Variants in CHRM3 observed in about 807,000 individuals in gnomAD.
CHRM3 encodes the protein muscarinic acetylcholine receptor M3.
In CHRM3, 11 loss-of-function variants were observed where a neutral mutation model predicts 41.8. The ratio of observed to expected loss-of-function variants is 0.26; its 90% confidence interval spans 0.17 to 0.44. The LOEUF (loss-of-function observed/expected upper bound fraction) is 0.44. CHRM3 is among the 20% of genes least tolerant of loss of function. The pLI is 1.00. For missense variants in CHRM3, 571 were observed against 745.4 expected (o/e 0.77, Z 2.72); for synonymous variants, 297 against 301.4 (o/e 0.99, Z 0.15).
intron 5 of CHRM3, among the ~76,000 whole-genome samples, chr1:239,807,671 C>T (rs961051440): frequency 2.0e-5 from 3 of 152,208 alleles, no homozygotes; most frequent in African/African-American, 7.2e-5. Flanking sequence ...TTCCTCACTT[C>T]ATCTTTGATC....
At chr1:239,684,282 T>C (rs940809277) in intron 5 of CHRM3, among the ~76,000 whole-genome samples, 17 of 152,260 alleles carry the variant, frequency 1.1e-4, no homozygotes, top group African/African-American at 4.1e-4. Context: ...ATGCAGACTT[T>C]CTGGCATGCA....
At chr1:239,467,903 C>T (rs547120578) in intron 1 of CHRM3, among the ~76,000 whole-genome samples, 1 of 132,778 alleles carries the variant, frequency 7.5e-6, no homozygotes, top group African/African-American at 3.4e-5. Flanking sequence ...TTCCCTACCC[C>T]CCCCCAACGT....
At chr1:239,653,422 C>T (rs1292446721) in intron 4 of CHRM3, among the ~76,000 whole-genome samples, 3 of 152,002 alleles carry the variant, frequency 2.0e-5, no homozygotes, top group East Asian at 1.9e-4. Flanking sequence ...GAGACGGAAA[C>T]GGAAGTACCA....
At chr1:239,677,641 C>T (rs902345142) in intron 4 of CHRM3, among the ~76,000 whole-genome samples, 2 of 152,168 alleles carry the variant, frequency 1.3e-5, no homozygotes, top group Non-Finnish European at 2.9e-5. Context: ...ACACAGTCAA[C>T]GTTTTGTACA....
At chr1:239,504,766 C>A (rs973529787) in intron 2 of CHRM3, among the ~76,000 whole-genome samples, 2 of 152,038 alleles carry the variant, frequency 1.3e-5, no homozygotes, top group Non-Finnish European at 2.9e-5. Context: ...TTTGTGGTGA[C>A]CTGGATGAGA....
At chr1:239,463,449 A>C (rs1665504165) in intron 1 of CHRM3, among the ~76,000 whole-genome samples, 1 of 152,010 alleles carries the variant, frequency 6.6e-6, no homozygotes, top group Non-Finnish European at 1.5e-5. Flanking sequence ...TCTGTGCTGG[A>C]CTCAAAGCCC....
chr1:239,740,992 C>T (rs1664799855), intron 5 of CHRM3, among the ~76,000 whole-genome samples: 1 of 151,876 alleles, frequency 6.6e-6, no homozygotes, highest in Admixed American at 6.6e-5. Context: ...GTATTTTTTC[C>T]TTATGTATTC....
chr1:239,515,071 T>A (rs1213037932), intron 2 of CHRM3, among the ~76,000 whole-genome samples: 6 of 152,004 alleles, frequency 3.9e-5, no homozygotes, highest in Non-Finnish European at 7.4e-5. Context: ...ATAAGTAGAG[T>A]GCTAAATTGT....
At position 239,387,645 on chromosome 1, in the gene CHRM3, C is replaced by A. The variant is rs2102892130; in HGVS notation, c.-521+418C>A. Among the ~76,000 whole-genome samples, 1 of 152,212 alleles carries A rather than the reference C, an allele frequency of 6.6e-6. No individual in the cohort carries two copies. The highest frequency in any genetic ancestry group is 1.5e-5 in the Non-Finnish European group (1 of 68,024). On this transcript the variant is annotated intron_variant, in intron 1 of 6. Coordinates refer to ENST00000676153, the MANE Select transcript of CHRM3 (RefSeq NM_001375978.1). The surrounding 1 kb of genome is among the most constrained non-coding windows in gnomAD (Gnocchi z 5.1). ...CCGAGCATGAGGAGCTACTGGGCTC[C>A]GGGTGTGTTTGTGAGCGCACTCGTG...
At chr1:239,485,369 C>T (rs982847446) in intron 1 of CHRM3, among the ~76,000 whole-genome samples, 7 of 152,190 alleles carry the variant, frequency 4.6e-5, no homozygotes, top group African/African-American at 1.4e-4. Context: ...GCAATCATGA[C>T]TCACTGCAGC....
At chr1:239,668,089 C>CTTTTTT (rs1221135009) in intron 4 of CHRM3, among the ~76,000 whole-genome samples, 31 of 75,598 alleles carry the variant, frequency 4.1e-4, no homozygotes, top group African/African-American at 5.3e-4. Flanking sequence ...TTTCCCCTTT[C>CTTTTTT]TTTTTTTTTT....
At chr1:239,645,448 A>C (rs756944882) in intron 4 of CHRM3, among the ~76,000 whole-genome samples, 1 of 152,220 alleles carries the variant, frequency 6.6e-6, no homozygotes, top group Admixed American at 6.5e-5. Flanking sequence ...AGATGGCCCA[A>C]ATGAAAACGA....
intron 3 of CHRM3, among the ~76,000 whole-genome samples, chr1:239,556,290 CAG>C (rs1308982880): frequency 6.6e-6 from 1 of 152,110 alleles, no homozygotes; most frequent in Non-Finnish European, 1.5e-5. Context: ...ACGTGAGCCA[CAG>C]AATATTTTTG....
intron 1 of CHRM3, among the ~76,000 whole-genome samples, chr1:239,460,122 G>T (rs555914759): frequency 6.6e-6 from 1 of 152,252 alleles, no homozygotes; most frequent in Admixed American, 6.5e-5. Context: ...CTCCAGAACA[G>T]GTTCTGAAGA....
intron 3 of CHRM3, among the ~76,000 whole-genome samples, chr1:239,573,665 G>A (rs1207890241): frequency 6.6e-6 from 1 of 151,664 alleles, no homozygotes; most frequent in Non-Finnish European, 1.5e-5. Context: ...CCTGCTAATA[G>A]GTACTCCAGC....
chr1:239,494,923 A>G (rs1326869182), intron 2 of CHRM3, among the ~76,000 whole-genome samples: 1 of 152,010 alleles, frequency 6.6e-6, no homozygotes, highest in Non-Finnish European at 1.5e-5. Context: ...TATATACTTC[A>G]TCTCTTTCTC....
chr1:239,723,457 C>T (rs1383950708), intron 5 of CHRM3, among the ~76,000 whole-genome samples: 1 of 151,870 alleles, frequency 6.6e-6, no homozygotes, highest in Non-Finnish European at 1.5e-5. Flanking sequence ...ACTGTTTCAA[C>T]TTTGTCTTTC....
intron 5 of CHRM3, among the ~76,000 whole-genome samples, chr1:239,684,528 T>G (rs1658883725): frequency 6.6e-6 from 1 of 151,434 alleles, no homozygotes; most frequent in African/African-American, 2.4e-5. Context: ...ACCCCATCTC[T>G]ACTAAAAAAT....
At chr1:239,429,764 GTCCATCTTC>G (rs1662673814) in intron 1 of CHRM3, among the ~76,000 whole-genome samples, 1 of 142,528 alleles carries the variant, frequency 7.0e-6, no homozygotes, top group Non-Finnish European at 1.5e-5. Flanking sequence ...AGTATATTTT[GTCCATCTTC>G]TCGTAGGGAG....
Sources: allele counts gnomAD v4.1 joint callset (sites outside exome capture counted in the v4.1 genomes callset), GRCh38; gene constraint gnomAD v4.1.1; non-coding constraint Gnocchi (gnomAD v3.1); transcripts MANE v1.5; gene names NCBI Gene and HGNC (gene_info 2026-07-23, HGNC 2026-07-21).